Variants in ZCCHC17 observed in about 807,000 individuals in gnomAD.
ZCCHC17 encodes zinc finger CCHC-type containing 17.
In ZCCHC17, 18 loss-of-function variants were observed where a neutral mutation model predicts 30.6. The ratio of observed to expected loss-of-function variants is 0.59; its 90% CI spans 0.41 to 0.87. The LOEUF (loss-of-function observed/expected upper bound fraction) is 0.87. Among genes scored for constraint, ZCCHC17 ranks in the 40% least tolerant of loss-of-function variants. ZCCHC17 has a pLI of 0.00. For synonymous variants in ZCCHC17, 88 were observed against 92.4 expected (o/e 0.95, Z 0.27); for missense variants, 263 against 284.2 (o/e 0.93, Z 0.54).
intron 6 of ZCCHC17, among the ~76,000 whole-genome samples, chr1:31,348,087 A>G (rs1434322881): frequency 1.3e-5 from 2 of 152,198 alleles, no homozygotes; most frequent in Non-Finnish European, 2.9e-5. Flanking sequence ...CAGGCATTAC[A>G]TAAAGAAGAG....
At chr1:31,327,757 A>G (rs1162125601) in intron 3 of ZCCHC17, among the ~76,000 whole-genome samples, 1 of 152,196 alleles carries the variant, frequency 6.6e-6, no homozygotes, top group Non-Finnish European at 1.5e-5. Context: ...GATATGCCAG[A>G]GAGAAGCCAT....
At chr1:31,346,541 T>A in intron 5 of ZCCHC17, 99 bp from the exon 6 acceptor site, 2 of 1,397,670 alleles carry the variant, frequency 1.4e-6, no homozygotes, top group Non-Finnish European at 1.9e-6. Flanking sequence ...TTCTCCCCTT[T>A]CCCTGCCAAA....
chr1:31,302,558 A>G (rs989945929), intron 1 of ZCCHC17, among the ~76,000 whole-genome samples: 9 of 152,298 alleles, frequency 5.9e-5, no homozygotes, highest in Non-Finnish European at 1.2e-4. Context: ...TGTTAGAGCT[A>G]TATTCTACAA....
chr1:31,342,065 A>T (rs1639068362), intron 5 of ZCCHC17, among the ~76,000 whole-genome samples: 1 of 152,038 alleles, frequency 6.6e-6, no homozygotes, highest in Non-Finnish European at 1.5e-5. Flanking sequence ...AGTTTTTTTG[A>T]GATGGAGTCT....
chr1:31,347,500 G>C (rs1639317970), intron 6 of ZCCHC17, among the ~76,000 whole-genome samples: 1 of 152,210 alleles, frequency 6.6e-6, no homozygotes, highest in Admixed American at 6.5e-5. Context: ...ATAAAATTGA[G>C]AGAAAGAATA....
At chr1:31,345,703 CT>C (rs1245784136) in intron 5 of ZCCHC17, among the ~76,000 whole-genome samples, 1 of 150,766 alleles carries the variant, frequency 6.6e-6, no homozygotes, top group Non-Finnish European at 1.5e-5. Context: ...CCTCAGGAAA[CT>C]TACAGTCATG....
chr1:31,300,944 A>G (rs893094033), intron 1 of ZCCHC17, among the ~76,000 whole-genome samples: 1 of 151,942 alleles, frequency 6.6e-6, no homozygotes, highest in African/African-American at 2.4e-5. Context: ...AAAAAAAAAA[A>G]AAGAAAAAAA....
intron 5 of ZCCHC17, among the ~76,000 whole-genome samples, chr1:31,343,852 T>TA (rs1320949447): frequency 1.2e-4 from 17 of 139,870 alleles, no homozygotes; most frequent in African/African-American, 4.6e-4. Flanking sequence ...ACTAATTTTT[T>TA]TTTTTTTTTT....
intron 5 of ZCCHC17, among the ~76,000 whole-genome samples, chr1:31,339,934 G>A (rs1370700133): frequency 1.5e-5 from 2 of 135,706 alleles, no homozygotes; most frequent in Non-Finnish European, 3.2e-5. Context: ...GGAATGTTCT[G>A]TCTGTCTCAA....
chr1:31,352,880 T>C (rs1458192880), intron 7 of ZCCHC17, among the ~76,000 whole-genome samples: 1 of 152,220 alleles, frequency 6.6e-6, no homozygotes, highest in African/African-American at 2.4e-5. Context: ...ACCCCACTCT[T>C]CTTTCTTTTT....
intron 1 of ZCCHC17, among the ~76,000 whole-genome samples, chr1:31,306,918 G>T (rs949594446): frequency 3.3e-5 from 5 of 152,054 alleles, no homozygotes; most frequent in African/African-American, 2.4e-5. Flanking sequence ...GCTCACTGCA[G>T]TCTCCGCCTC....
chr1:31,346,049 G>C (rs2148465995), intron 5 of ZCCHC17, among the ~76,000 whole-genome samples: 1 of 152,256 alleles, frequency 6.6e-6, no homozygotes, highest in African/African-American at 2.4e-5. Context: ...TGTCTGAGGG[G>C]CTCAGAGGAA....
chr1:31,345,851 A>G (rs961597903), intron 5 of ZCCHC17, among the ~76,000 whole-genome samples: 12 of 151,706 alleles, frequency 7.9e-5, no homozygotes, highest in African/African-American at 2.9e-4. Flanking sequence ...CATGGGGGAA[A>G]TCCGACCCCA....
chr1:31,298,540 G>A (rs1428162688), intron 1 of ZCCHC17, among the ~76,000 whole-genome samples: 1 of 152,012 alleles, frequency 6.6e-6, no homozygotes, highest in Admixed American at 6.6e-5. Context: ...CGCCTCCACT[G>A]TGCCCGGCCA....
intron 1 of ZCCHC17, among the ~76,000 whole-genome samples, chr1:31,305,189 T>C (rs974342351): frequency 4.6e-5 from 7 of 152,224 alleles, no homozygotes; most frequent in African/African-American, 1.7e-4. Flanking sequence ...GCCTTTGGTA[T>C]GGAGGCTCAC....
At chr1:31,316,172 G>C (rs1646726551) in intron 2 of ZCCHC17, among the ~76,000 whole-genome samples, 1 of 152,126 alleles carries the variant, frequency 6.6e-6, no homozygotes, top group African/African-American at 2.4e-5. Context: ...CATGATCTTG[G>C]CTCACTGCAA....
At chr1:31,340,319 T>TTTTG (rs1638997924) in intron 5 of ZCCHC17, among the ~76,000 whole-genome samples, 1 of 146,244 alleles carries the variant, frequency 6.8e-6, no homozygotes, top group Admixed American at 6.8e-5. Context: ...TGGAGGGTTT[T>TTTTG]TTTTTTTTTT....
At chr1:31,335,367 T>C (rs1638775060) in intron 3 of ZCCHC17, among the ~76,000 whole-genome samples, 1 of 152,244 alleles carries the variant, frequency 6.6e-6, no homozygotes, top group Non-Finnish European at 1.5e-5. Context: ...TATTAAATGT[T>C]ATTAAAATAT....
At chr1:31,302,902 C>G (rs1345837794) in intron 1 of ZCCHC17, among the ~76,000 whole-genome samples, 1 of 152,170 alleles carries the variant, frequency 6.6e-6, no homozygotes. Context: ...GTGGGGATTA[C>G]AGTTCAAGAT....
Sources: allele counts gnomAD v4.1 joint callset (sites outside exome capture counted in the v4.1 genomes callset), GRCh38; gene constraint gnomAD v4.1.1; transcripts MANE v1.5; gene names NCBI Gene and HGNC (gene_info 2026-07-23, HGNC 2026-07-21).